Variants in MYO1C observed in about 807,000 individuals in gnomAD.
MYO1C encodes myosin IC.
A neutral mutation model predicts 150.8 loss-of-function variants in MYO1C; 104 were observed. The ratio of observed to expected loss-of-function variants is 0.69; its 90% confidence interval spans 0.59 to 0.81. The LOEUF (loss-of-function observed/expected upper bound fraction) is 0.81. MYO1C is among the 30% of genes least tolerant of loss of function. MYO1C has a pLI of 0.00. For synonymous variants in MYO1C, 663 were observed against 579.9 expected, an observed-to-expected ratio of 1.14 and a Z score of -2.06; for missense variants, 1,504 against 1,435.0, an observed-to-expected ratio of 1.05 and a Z score of -0.78.
At chr17:1,489,165 T>C (rs1219530815) in intron 1 of MYO1C, among the ~76,000 whole-genome samples, 2 of 152,146 alleles carry the variant, frequency 1.3e-5, no homozygotes, top group African/African-American at 4.8e-5. Context: ...TCAACTTCTG[T>C]TTATTAAACA....
In MYO1C at chr17:1,471,932, G is replaced by A; in HGVS notation, c.1996C>T (p.Arg666Cys). The change falls in exon 19 of 32, where the codon CGC becomes TGC. Residue 666 changes from arginine to cysteine, a missense_variant. Arg to Cys is a radical substitution (Grantham distance 180). Transcript: ENST00000648651. ...RVRRAGFAYR[R>C]KYEAFLQRYK... ...CTTTGCAGGAAAGCTTCGTATTTGC[G>A]GCGATAGGCAAAGCCGGCTCTGCGC... is the stretch of plus-strand genomic sequence containing the variant. The A allele has an allele frequency of 1.2e-6, 2 of 1,614,112 alleles. No homozygotes were observed. Among genetic ancestry groups the A allele is most frequent in the Non-Finnish European group, 8.5e-7 (1 of 1,180,028 alleles).
chr17:1,469,140 G>A, intron 25 of MYO1C: 1 of 345,496 alleles, frequency 2.9e-6, no homozygotes, highest in East Asian at 7.4e-5. Flanking sequence ...GCAGACCGGG[G>A]TAAATAGAGC....
At chr17:1,489,099 C>T (rs551910487) in intron 1 of MYO1C, among the ~76,000 whole-genome samples, 1 of 152,324 alleles carries the variant, frequency 6.6e-6, no homozygotes, top group Admixed American at 6.5e-5. Context: ...TCCACTGAGC[C>T]CAAGGCAGCA....
At chr17:1,481,140 C>T in intron 5 of MYO1C, 1 of 537,490 alleles carries the variant, frequency 1.9e-6, no homozygotes, top group Non-Finnish European at 3.4e-6. Flanking sequence ...TTCAACAGGC[C>T]TGAAGCTCAA....
chr17:1,470,572 C>G (rs2074280673), intron 22 of MYO1C, 49 bp downstream of exon 22: 6 of 1,580,152 alleles, frequency 3.8e-6, no homozygotes, highest in Non-Finnish European at 5.2e-6. Flanking sequence ...ATGGTGGCCC[C>G]CCCTGGCCCC....
chr17:1,470,894 G>T, intron 21 of MYO1C, 177 bp downstream of exon 21: 2 of 905,034 alleles, frequency 2.2e-6, no homozygotes, highest in South Asian at 1.4e-5. Flanking sequence ...GCTGGAGCTG[G>T]TGGGGAGGGG....
chr17:1,482,617 C>CCCCCTCTT, intron 4 of MYO1C, 59 bp from the exon 5 acceptor site: 1 of 1,395,984 alleles, frequency 7.2e-7, no homozygotes, highest in Non-Finnish European at 1.0e-6. Context: ...CTCCCCACCC[C>CCCCCTCTT]GCCTTGTAGC....
rs2074543983 is a variant in MYO1C at position 1,482,532 on chromosome 17, C to G, written c.573G>C (p.Arg191=). 1.9e-6 allele frequency: 3 copies of G among 1,613,968 alleles called. No homozygotes were observed. The highest frequency in any genetic ancestry group is 1.1e-5 in the South Asian group (1 of 91,082). The change falls in exon 5 of 32, where the codon CGG becomes CGC. Residue 191 remains arginine (R), a synonymous_variant. Transcript: ENST00000648651. ...LEAFGNAKTL[R]NDNSSRFGKY... ...TCCCGAACCTGCTGGAGTTATCGTT[C>G]CGGAGGGTCTTGGCATTTCCAAAGG... is the stretch of plus-strand genomic sequence containing the variant.
At chr17:1,488,997 A>G (rs766021152) in intron 1 of MYO1C, among the ~76,000 whole-genome samples, 21 of 152,114 alleles carry the variant, frequency 1.4e-4, no homozygotes, top group Admixed American at 1.3e-3. Context: ...CCCCCAGCCT[A>G]AGGGCACACA....
intron 19 of MYO1C, among the ~76,000 whole-genome samples, chr17:1,471,682 C>A (rs1174112306): frequency 1.3e-5 from 2 of 152,194 alleles, no homozygotes; most frequent in Non-Finnish European, 2.9e-5. Flanking sequence ...CTCCTGTACC[C>A]CTGACCGGGT....
In MYO1C at chr17:1,472,233, C is replaced by T. The variant is rs764321602; in HGVS notation, c.1798-5G>A. ...CATCTTGAACTGGGTGGCGACCTGGCGAGCCAAGAGGCATGGGAGGTTGGC... is the reference window on the plus strand; with the variant it reads ...CATCTTGAACTGGGTGGCGACCTGGTGAGCCAAGAGGCATGGGAGGTTGGC... On this transcript the variant is annotated splice_polypyrimidine_tract_variant and splice_region_variant and intron_variant, in intron 17 of 31. Coordinates refer to ENST00000648651, the MANE Select transcript of MYO1C (RefSeq NM_001080779.2). The T allele has an allele frequency of 4.6e-5, 75 of 1,613,410 alleles. No individual in the cohort carries two copies. Among genetic ancestry groups the T allele is most frequent in the Non-Finnish European group, 6.3e-5 (74 of 1,179,756 alleles).
Position 1,471,981 on chromosome 17 carries a change from C to G in MYO1C, c.1947G>C (p.Leu649=). The part of the protein sequence containing the change: ...EVLIRHQVKY[L]GLLENLRVRR... ...GCACGCGCAGGTTTTCCAACAGCCC[C>G]AGGTACTTCACCTGGTGGCGGATCA... The change falls in exon 19 of 32, where the codon CTG becomes CTC. Residue 649 remains leucine, a synonymous_variant. Coordinates refer to ENST00000648651, the MANE Select transcript of MYO1C (RefSeq NM_001080779.2). 6.2e-7 allele frequency: 1 copy of G among 1,614,062 alleles called. No individual in the cohort carries two copies. The highest frequency in any genetic ancestry group is 8.5e-7 in the Non-Finnish European group (1 of 1,179,994).
At chr17:1,468,873 G>T in intron 25 of MYO1C, 1 of 357,804 alleles carries the variant, frequency 2.8e-6, no homozygotes, top group South Asian at 2.6e-5. Context: ...TACTGAGTTG[G>T]CAAAAACACG....
In MYO1C at chr17:1,467,290, G is replaced by A. The variant is rs1378013792; in HGVS notation, c.3117C>T (p.Pro1039=). The change falls in exon 31 of 32, where the codon CCC becomes CCT. Residue 1039 remains proline, a synonymous_variant. Transcript: ENST00000648651. ...CCTTGGTGATGAGCAGCTCCGAGCC[G>A]GGTGTGAAGTCAATGGTGCCATCCC... The part of the protein sequence containing the change: ...PGRDGTIDFT[P]GSELLITKAK... 29 of 1,613,476 alleles carry A rather than the reference G, an allele frequency of 1.8e-5. No homozygotes were observed. Among genetic ancestry groups the A allele is most frequent in the East Asian group, 2.2e-5 (1 of 44,876 alleles).
chr17:1,469,289 G>C (rs1451576718), intron 25 of MYO1C: 1 of 553,520 alleles, frequency 1.8e-6, no homozygotes, highest in Non-Finnish European at 3.3e-6. Context: ...AGTAGACTGG[G>C]GTAAATACGG....
At position 1,483,070 on chromosome 17, in the gene MYO1C, G is replaced by C. The variant is rs1183221702; in HGVS notation, c.348-11C>G. The C allele has an allele frequency of 1.9e-6, 3 of 1,586,404 alleles. No individual in the cohort carries two copies. The highest frequency in any genetic ancestry group is 2.6e-6 in the Non-Finnish European group (3 of 1,167,338). On this transcript the variant is annotated splice_polypyrimidine_tract_variant and intron_variant, in intron 3 of 31. Coordinates refer to ENST00000648651, the MANE Select transcript of MYO1C (RefSeq NM_001080779.2). ...TCCGCCACGGCAAACCTGGGGCGGA[G>C]GCTCGTCAGGGAGTTTGGGGAGGGG...
chr17:1,492,666 C>G lies in MYO1C; in HGVS notation c.-179G>C. 1.5e-6 allele frequency: 1 copy of G among 651,344 alleles called. No homozygotes were observed. The highest frequency in any genetic ancestry group is 2.8e-6 in the Non-Finnish European group (1 of 361,432). 40.3% of individuals were successfully genotyped at this position (651,344 alleles called of 1,614,324 possible). On this transcript the variant is annotated 5_prime_UTR_variant, in exon 1 of 32. Coordinates refer to ENST00000648651, the MANE Select transcript of MYO1C (RefSeq NM_001080779.2). The stretch of plus-strand genomic sequence containing the variant: ...GTGGCTGGTCCAGCTCCTCAGGACA[C>G]GGCTGGAGCCGTCCAGGTCTGACTG...
Position 1,467,325 on chromosome 17 carries a change from C to A in MYO1C, c.3082G>T (p.Gly1028Cys). The A allele has an allele frequency of 1.2e-6, 2 of 1,613,210 alleles. No individual in the cohort carries two copies. The highest frequency in any genetic ancestry group is 1.3e-5 in the African/African-American group (1 of 75,010). The change falls in exon 31 of 32, where the codon GGC becomes TGC. Residue 1028 changes from glycine to cysteine, a missense_variant. Coordinates refer to ENST00000648651, the MANE Select transcript of MYO1C (RefSeq NM_001080779.2). Reference protein sequence around the residue: ...INQGSITFAGGPGRDGTIDFT... With the variant: ...INQGSITFAGCPGRDGTIDFT... ...TCAATGGTGCCATCCCTGCCGGGGC[C>A]CCCTGCAAACGTGATGCTGGGGGAA...
At chr17:1,468,536 G>C in intron 25 of MYO1C, 40 bp from the exon 26 acceptor site, 2 of 1,524,570 alleles carry the variant, frequency 1.3e-6, no homozygotes, top group Non-Finnish European at 1.8e-6. Flanking sequence ...TCATGGTGGG[G>C]AGCACCATCT....
Sources: allele counts gnomAD v4.1 joint callset (sites outside exome capture counted in the v4.1 genomes callset), GRCh38; gene constraint gnomAD v4.1.1; transcripts MANE v1.5; gene names NCBI Gene and HGNC (gene_info 2026-07-23, HGNC 2026-07-21).